The following WDR4 variants were observed in gnomAD, a reference collection of about 807,000 sequenced individuals.
The protein encoded by WDR4 is tRNA (guanine-N(7)-)-methyltransferase non-catalytic subunit WDR4.
WDR4 carries 47 observed loss-of-function variants against 48.6 expected under a neutral mutation model. The observed-to-expected ratio is 0.97, with a 90% confidence interval of 0.77 to 1.23. WDR4 has a LOEUF of 1.23. Ranked by LOEUF, WDR4 falls within the 50% of genes most tolerant of loss-of-function variation. WDR4 has a pLI of 0.00. For missense variants in WDR4, 606 were observed against 551.6 expected, an observed-to-expected ratio of 1.10 and a Z score of -0.99; for synonymous variants, 268 against 230.0, an observed-to-expected ratio of 1.17 and a Z score of -1.49.
downstream of WDR4, among the ~76,000 whole-genome samples, chr21:42,846,818 T>C (rs141486734): frequency 8.2e-3 from 1,244 of 152,272 alleles, 8 homozygotes; most frequent in Non-Finnish European, 0.011. Flanking sequence ...GGTCAGGAGT[T>C]GGAGACCAGC....
intron 6 of WDR4, 65 bp downstream of exon 6, chr21:42,859,597 G>GGGGCCCC: frequency 2.8e-6 from 2 of 708,190 alleles, no homozygotes; most frequent in Non-Finnish European, 5.1e-6. Flanking sequence ...TCCAGGAGGC[G>GGGGCCCC]CCCACCCCAC....
At chr21:42,872,495 C>A (rs2058393073) in intron 3 of WDR4, among the ~76,000 whole-genome samples, 1 of 151,412 alleles carries the variant, frequency 6.6e-6, no homozygotes, top group African/African-American at 2.4e-5. Context: ...CCTATAGTCC[C>A]AGCTACTCGA....
chr21:42,861,492 C>T (rs1315441629), intron 5 of WDR4, among the ~76,000 whole-genome samples: 2 of 151,982 alleles, frequency 1.3e-5, no homozygotes, highest in Admixed American at 6.6e-5. Context: ...ACGTGCCTGG[C>T]GAGGCAAGGG....
chr21:42,865,424 G>A (rs2058225037), intron 3 of WDR4, among the ~76,000 whole-genome samples: 1 of 152,100 alleles, frequency 6.6e-6, no homozygotes, highest in African/African-American at 2.4e-5. Context: ...GGATGGACTT[G>A]GACTCACAGG....
intron 3 of WDR4, among the ~76,000 whole-genome samples, chr21:42,870,875 A>C (rs1216639903): frequency 6.6e-6 from 1 of 152,174 alleles, no homozygotes; most frequent in Non-Finnish European, 1.5e-5. Flanking sequence ...TGAGAATCTC[A>C]TGTGAATTAT....
At chr21:42,858,361 T>A (rs997802092) in intron 6 of WDR4, among the ~76,000 whole-genome samples, 2 of 152,234 alleles carry the variant, frequency 1.3e-5, no homozygotes, top group African/African-American at 4.8e-5. Context: ...GGCAGACAGC[T>A]GCAGGTTTCT....
chr21:42,859,881 AACCTGGTTAGGGTTAAC>A (rs1031586612), intron 5 of WDR4, among the ~76,000 whole-genome samples, 159 bp from the exon 6 acceptor site: 2 of 151,946 alleles, frequency 1.3e-5, no homozygotes, highest in African/African-American at 4.8e-5. Context: ...TGTTAACCCT[AACCTGGTTAGGGTTAAC>A]CAGGTGGAGG....
At chr21:42,846,141 A>C (rs1401830811), downstream of WDR4, among the ~76,000 whole-genome samples, 1 of 151,934 alleles carries the variant, frequency 6.6e-6, no homozygotes, top group African/African-American at 2.4e-5. Flanking sequence ...TAAAAAAAAA[A>C]CAGAAGACAG....
At chr21:42,860,580 G>A (rs929092425) in intron 5 of WDR4, among the ~76,000 whole-genome samples, 13 of 152,232 alleles carry the variant, frequency 8.5e-5, no homozygotes, top group African/African-American at 1.4e-4. Flanking sequence ...GCTAGCCATC[G>A]CGTGAGCCGG....
intron 3 of WDR4, among the ~76,000 whole-genome samples, chr21:42,871,461 C>T (rs1216984846): frequency 6.6e-6 from 1 of 152,242 alleles, no homozygotes; most frequent in Admixed American, 6.5e-5. Flanking sequence ...ACCTCAAGGC[C>T]ACCTTGAGGC....
chr21:42,858,065 C>T (rs367700133), intron 6 of WDR4, among the ~76,000 whole-genome samples: 5 of 152,054 alleles, frequency 3.3e-5, no homozygotes, highest in African/African-American at 1.2e-4. Flanking sequence ...GCACTCCAGA[C>T]TGGGAGACAG....
At chr21:42,852,721 GC>G (rs1364061733) in intron 9 of WDR4, among the ~76,000 whole-genome samples, 6 of 152,166 alleles carry the variant, frequency 3.9e-5, no homozygotes, top group Non-Finnish European at 8.8e-5. Context: ...TTCAAGACCA[GC>G]CTGACCAACA....
intron 6 of WDR4, among the ~76,000 whole-genome samples, chr21:42,858,813 G>C (rs1001646905): frequency 6.6e-6 from 1 of 152,164 alleles, no homozygotes; most frequent in Non-Finnish European, 1.5e-5. Flanking sequence ...GGCTGTGAAT[G>C]AAGCCCAATC....
chr21:42,891,229 A>C, the WDR4 span, among the ~76,000 whole-genome samples: 1 of 151,366 alleles, frequency 6.6e-6, no homozygotes, highest in East Asian at 2.0e-4. Context: ...GGCTGAGGCA[A>C]GAGAATCACT....
chr21:42,890,143 G>A, the WDR4 span, among the ~76,000 whole-genome samples: 3 of 152,024 alleles, frequency 2.0e-5, no homozygotes, highest in Non-Finnish European at 2.9e-5. Flanking sequence ...CGAATGGTGT[G>A]ATATTTGAGT....
chr21:42,870,795 A>T (rs879881656), intron 3 of WDR4, among the ~76,000 whole-genome samples: 22 of 149,250 alleles, frequency 1.5e-4, no homozygotes, highest in Non-Finnish European at 3.0e-4. Context: ...GTCTCAAATT[A>T]AAAAAAAAAA....
Position 42,865,678 on chromosome 21 carries a change from T to C in WDR4, c.297-2082A>G, listed in dbSNP as rs948086255. Among the ~76,000 whole-genome samples, 17 of 152,066 alleles carry C rather than the reference T, an allele frequency of 1.1e-4. 1 individual carries two copies. Among genetic ancestry groups the C allele is most frequent in the Middle Eastern group, 3.4e-3 (1 of 294 alleles). ...AGAATGGGGCAGGTCACTGGACCAA[T>C]GGCAAGCCGGCCTGTCACCCTAGCT... On this transcript the variant is annotated intron_variant, in intron 3 of 10. Transcript: ENST00000398208.
chr21:42,852,062 A>G (rs2057844170), intron 10 of WDR4, among the ~76,000 whole-genome samples, 193 bp downstream of exon 10: 1 of 152,102 alleles, frequency 6.6e-6, no homozygotes, highest in Admixed American at 6.5e-5. Context: ...CCTGACTCCC[A>G]TGGGGGGCTC....
At chr21:42,850,929 C>G (rs1488395642) in intron 10 of WDR4, among the ~76,000 whole-genome samples, 1 of 152,216 alleles carries the variant, frequency 6.6e-6, no homozygotes, top group African/African-American at 2.4e-5. Flanking sequence ...AGCCGGTAAC[C>G]CGCGCACCAG....
Sources: gnomAD v4.1 joint callset for allele counts (sites outside exome capture counted in the v4.1 genomes callset) on GRCh38, gnomAD v4.1.1 for gene constraint, MANE v1.5 for transcripts, NCBI Gene and HGNC (gene_info 2026-07-23, HGNC 2026-07-21) for gene names.